The following SPRYD3 variants were observed in gnomAD, a reference collection of about 807,000 sequenced individuals.
The protein encoded by SPRYD3 is SPRY domain-containing protein 3.
A neutral mutation model predicts 50.1 loss-of-function variants in SPRYD3; 17 were observed. The ratio of observed to expected loss-of-function variants is 0.34; its 90% CI spans 0.23 to 0.51. The LOEUF is 0.51. Ranked by LOEUF, SPRYD3 falls within the 20% of genes least tolerant of loss-of-function variation. The pLI, the probability that SPRYD3 is intolerant of heterozygous loss-of-function variation, is 0.97. For missense variants in SPRYD3, 401 were observed against 591.2 expected (o/e 0.68, Z 3.34); for synonymous variants, 198 against 215.5 (o/e 0.92, Z 0.71).
intron 6 of SPRYD3, 84 bp from the exon 7 acceptor site, chr12:53,068,388 C>G: frequency 1.3e-6 from 2 of 1,509,202 alleles, no homozygotes; most frequent in Non-Finnish European, 1.8e-6. Context: ...CTGGGTCCCA[C>G]TTTCCCAGGT....
intron 6 of SPRYD3, among the ~76,000 whole-genome samples, chr12:53,072,368 A>AC (rs1045269744): frequency 2.2e-4 from 33 of 151,856 alleles, no homozygotes; most frequent in African/African-American, 7.7e-4. Flanking sequence ...ATCCGCTCCC[A>AC]CCCCCCACTG....
intron 1 of SPRYD3, among the ~76,000 whole-genome samples, 158 bp downstream of exon 1, chr12:53,079,153 C>G (rs1944612875): frequency 6.6e-6 from 1 of 152,236 alleles, no homozygotes; most frequent in South Asian, 2.1e-4. Context: ...TCCCCAGGCC[C>G]TGCACTGGGC....
chr12:53,068,442 C>A, intron 6 of SPRYD3, 138 bp from the exon 7 acceptor site: 1 of 1,056,760 alleles, frequency 9.5e-7, no homozygotes, highest in Non-Finnish European at 1.4e-6. Flanking sequence ...CCTAGAGATA[C>A]AATGTGGCCC....
chr12:53,079,067 C>T (rs1044723281), intron 1 of SPRYD3, among the ~76,000 whole-genome samples: 4 of 152,220 alleles, frequency 2.6e-5, no homozygotes, highest in African/African-American at 9.7e-5. Flanking sequence ...TGTCTCCTCC[C>T]CGGGCACGGC....
In SPRYD3 at chr12:53,079,390, C is replaced by T. The variant is rs1022663510; in HGVS notation, c.-57G>A. 1.3e-6 allele frequency: 2 copies of T among 1,573,806 alleles called. No homozygotes were observed. Among genetic ancestry groups the T allele is most frequent in the Middle Eastern group, 1.7e-4 (1 of 5,954 alleles). On this transcript the variant is annotated 5_prime_UTR_variant, in exon 1 of 11. Transcript: ENST00000301463. ...TTCGGCCGCCGCCACCACACACATC[C>T]GGGTCCCCGCCTTTCCTTCACTCCT...
rs145013814 is a variant in SPRYD3 at position 53,073,387 on chromosome 12, G to A, written c.592C>T (p.His198Tyr). 4 of 1,586,804 alleles carry A rather than the reference G, an allele frequency of 2.5e-6. No individual in the cohort carries two copies. Among genetic ancestry groups the A allele is most frequent in the Non-Finnish European group, 1.7e-6 (2 of 1,166,402 alleles). Reference sequence around the variant, plus strand: ...TCACGGCCCAGCTCAGCGTTGAGGTGCAGCCGCACCTCCTCACCCAGGGAG... The same window carrying A: ...TCACGGCCCAGCTCAGCGTTGAGGTACAGCCGCACCTCCTCACCCAGGGAG... ...MHSLGEEVRL[H>Y]LNAELGREDD... Residue 198 changes from histidine to tyrosine, a missense_variant, in exon 6 of 11, where the codon CAC becomes TAC. Coordinates refer to ENST00000301463, the MANE Select transcript of SPRYD3 (RefSeq NM_032840.3).
chr12:53,066,782 C>T (rs969621959), intron 8 of SPRYD3, 90 bp from the exon 9 acceptor site: 21 of 1,459,786 alleles, frequency 1.4e-5, no homozygotes, highest in Non-Finnish European at 1.9e-5. Context: ...ACACTTCCCA[C>T]CCCTCAGAGG....
intron 5 of SPRYD3, 33 bp from the exon 6 acceptor site, chr12:53,073,504 G>A (rs745573567): frequency 5.0e-5 from 75 of 1,492,900 alleles, no homozygotes; most frequent in East Asian, 1.8e-4. Context: ...GCTGCCACCC[G>A]GCCTGCTTTT....
intron 6 of SPRYD3, among the ~76,000 whole-genome samples, chr12:53,070,420 A>T (rs1438046473): frequency 2.6e-5 from 4 of 152,170 alleles, no homozygotes; most frequent in African/African-American, 9.7e-5. Context: ...AGCTGTTAGG[A>T]ACCTAGAGGA....
chr12:53,068,246 C>T lies in SPRYD3; in HGVS notation c.752G>A (p.Arg251Gln), dbSNP rs370248993. 33 of 1,614,094 alleles carry T rather than the reference C, an allele frequency of 2.0e-5. No homozygotes were observed. Among genetic ancestry groups the T allele is most frequent in the Non-Finnish European group, 2.8e-5 (33 of 1,180,038 alleles). The change falls in exon 7 of 11, where the codon CGG becomes CAG. Residue 251 changes from arginine (R) to glutamine (Q), a missense_variant. Arg to Gln is a conservative substitution (Grantham distance 43, BLOSUM62 1). Coordinates refer to ENST00000301463, the MANE Select transcript of SPRYD3 (RefSeq NM_032840.3). ...GTGGCTGCGGGTGCTGAGTGGGTGCCGGGCCTGGGCCAGCCCCACATCCAC... is the reference window on the plus strand; with the variant it reads ...GTGGCTGCGGGTGCTGAGTGGGTGCTGGGCCTGGGCCAGCCCCACATCCAC... ...SIVDVGLAQARHPLSTRSHYF... is the reference protein window; with the variant it reads ...SIVDVGLAQAQHPLSTRSHYF...
At chr12:53,066,230 G>C in intron 10 of SPRYD3, 84 bp downstream of exon 10, 1 of 1,554,194 alleles carries the variant, frequency 6.4e-7, no homozygotes, top group Non-Finnish European at 8.7e-7. Flanking sequence ...TTCCCACCCT[G>C]GTTGTGAGTT....
Position 53,075,185 on chromosome 12 carries a change from A to G in SPRYD3, c.281T>C (p.Ile94Thr). Residue 94 changes from isoleucine to threonine, a missense_variant, in exon 4 of 11, where the codon ATT becomes ACT. Coordinates refer to ENST00000301463, the MANE Select transcript of SPRYD3 (RefSeq NM_032840.3). ...GTACTGAGGGACCAGCCCCACAGCA[A>G]TGGTGCCCCGGACTCCACTGTCCAC... ...SIVDSGVRGT[I>T]AVGLVPQYYS... 1 of 1,613,458 alleles carries G rather than the reference A, an allele frequency of 6.2e-7. No homozygotes were observed. Among genetic ancestry groups the G allele is most frequent in the Non-Finnish European group, 8.5e-7 (1 of 1,179,418 alleles).
In SPRYD3 at chr12:53,073,406, C is replaced by T; in HGVS notation, c.573G>A (p.Leu191=). ...TGAGGTGCAGCCGCACCTCCTCACCCAGGGAGTGCATGCCCACTGCTGGGA... is the reference window on the plus strand; with the variant it reads ...TGAGGTGCAGCCGCACCTCCTCACCTAGGGAGTGCATGCCCACTGCTGGGA... ...GLFPAVGMHS[L]GEEVRLHLNA... is the part of the protein sequence containing the mutation. Residue 191 remains leucine, a synonymous_variant, in exon 6 of 11, where the codon CTG becomes CTA. Coordinates refer to ENST00000301463, the MANE Select transcript of SPRYD3 (RefSeq NM_032840.3). 1.3e-6 allele frequency: 2 copies of T among 1,578,960 alleles called. No individual in the cohort carries two copies. The highest frequency in any genetic ancestry group is 8.6e-7 in the Non-Finnish European group (1 of 1,162,026).
rs1944565476 is a variant in SPRYD3, at chr12:53,073,555, A to G, written c.508-84T>C. ...TTCTCACAAGGGTACTTTTAAGATG[A>G]TGCAACCAGCCGGGCGTGGTGGCTC... On this transcript the variant is annotated intron_variant, in intron 5 of 10. Transcript: ENST00000301463. The G allele has an allele frequency of 4.2e-6, 5 of 1,194,600 alleles. No homozygotes were observed. The South Asian group carries it at 6.2e-5, about 15-fold the overall frequency. 74.0% of individuals were successfully genotyped at this position (1,194,600 alleles called of 1,614,324 possible). A position where few individuals can be genotyped will look rare whatever the true frequency, so the allele number is the denominator to read the frequency against.
In SPRYD3 at chr12:53,075,758, G is replaced by A; in HGVS notation, c.224C>T (p.Thr75Ile). Residue 75 changes from threonine (T) to isoleucine (I), a missense_variant, in exon 3 of 11, where the codon ACC (threonine) becomes ATC (isoleucine). Physicochemically the swap from Thr to Ile is moderately conservative, Grantham distance 89. Transcript: ENST00000301463. ...CACCTCAAAATAATTGCTGTCCTTGGTCAGGGGTCGAGAAGCCACGTAGCA... is the reference window on the plus strand; with the variant it reads ...CACCTCAAAATAATTGCTGTCCTTGATCAGGGGTCGAGAAGCCACGTAGCA... ...VGCYVASRPL[T>I]KDSNYFEVSI... 6.2e-7 allele frequency: 1 copy of A among 1,614,044 alleles called. No individual in the cohort carries two copies. Among genetic ancestry groups the A allele is most frequent in the Non-Finnish European group, 8.5e-7 (1 of 1,179,952 alleles).
At position 53,074,556 on chromosome 12, in the gene SPRYD3, G is replaced by A; in HGVS notation, c.507+93C>T. 1.3e-6 allele frequency: 2 copies of A among 1,527,098 alleles called. No individual in the cohort carries two copies. Among genetic ancestry groups the A allele is most frequent in the Admixed American group, 3.4e-5 (2 of 58,698 alleles). 94.6% of individuals were successfully genotyped at this position (1,527,098 alleles called of 1,614,324 possible). A position where few individuals can be genotyped will look rare whatever the true frequency, so the allele number is the denominator to read the frequency against. On this transcript the variant is annotated intron_variant, in intron 5 of 10. Coordinates refer to ENST00000301463, the MANE Select transcript of SPRYD3 (RefSeq NM_032840.3). The surrounding 1 kb of genome is among the most constrained non-coding windows in gnomAD (Gnocchi z 4.6). ...GGGAACTCAGTGCAAGGGTCCCTGG[G>A]CAAGCCCCAGCCAGCAGACTCTTCC... is the stretch of plus-strand genomic sequence containing the variant.
At chr12:53,068,660 G>A (rs560948925) in intron 6 of SPRYD3, among the ~76,000 whole-genome samples, 67 of 152,230 alleles carry the variant, frequency 4.4e-4, no homozygotes, top group African/African-American at 1.2e-3. Context: ...GGAAAGGTCC[G>A]CCCAGGGTCC....
intron 6 of SPRYD3, among the ~76,000 whole-genome samples, chr12:53,072,426 G>A (rs1315977089): frequency 1.3e-5 from 2 of 152,336 alleles, no homozygotes; most frequent in Middle Eastern, 3.4e-3. Flanking sequence ...CTGGGTTGGG[G>A]TGGAAAGGCC....
chr12:53,075,234 G>A lies in SPRYD3; in HGVS notation c.247-15C>T, dbSNP rs373378643. 2.5e-6 allele frequency: 4 copies of A among 1,593,320 alleles called. No individual in the cohort carries two copies. In the South Asian group the frequency reaches 3.3e-5, roughly 13 times the overall value. ...ACAATAGACACCTGGAGAGAAGAAA[G>A]CAGGGCACAGTCAGCAGGGCTGGGA... On this transcript the variant is annotated splice_polypyrimidine_tract_variant and intron_variant, in intron 3 of 10. Transcript: ENST00000301463.
Sources: allele counts gnomAD v4.1 joint callset (sites outside exome capture counted in the v4.1 genomes callset), GRCh38; gene constraint gnomAD v4.1.1; non-coding constraint Gnocchi (gnomAD v3.1); transcripts MANE v1.5; gene names NCBI Gene and HGNC (gene_info 2026-07-23, HGNC 2026-07-21).